Variants in DLGAP2 observed in about 807,000 individuals in gnomAD.
The protein encoded by DLGAP2 is disks large-associated protein 2.
A neutral mutation model predicts 100.3 loss-of-function variants in DLGAP2; 26 were observed. The observed-to-expected ratio is 0.26, with a 90% CI of 0.19 to 0.36. The LOEUF (loss-of-function observed/expected upper bound fraction) is 0.36. DLGAP2 is among the 10% of genes least tolerant of loss of function. The probability of loss-of-function intolerance (pLI) is 1.00; values close to 1 mark genes in which losing one functional copy is unlikely to be tolerated. For missense variants in DLGAP2, 1,858 were observed against 1,453.2 expected (o/e 1.28, Z -4.53); for synonymous variants, 886 against 630.1 (o/e 1.41, Z -6.08).
At chr8:980,011 T>A (rs1800282923) in intron 2 of DLGAP2, among the ~76,000 whole-genome samples, 1 of 152,162 alleles carries the variant, frequency 6.6e-6, no homozygotes, top group African/African-American at 2.4e-5. Context: ...CTCTAGGACT[T>A]GGCAACTGTT....
At chr8:1,070,702 C>G (rs1803401669) in intron 2 of DLGAP2, among the ~76,000 whole-genome samples, 1 of 152,160 alleles carries the variant, frequency 6.6e-6, no homozygotes, top group Non-Finnish European at 1.5e-5. Context: ...ACAGAAAAGA[C>G]CATGGGGAAA....
At chr8:978,837 C>G (rs1158901316) in intron 2 of DLGAP2, among the ~76,000 whole-genome samples, 1 of 152,182 alleles carries the variant, frequency 6.6e-6, no homozygotes. Flanking sequence ...AACCAGGTTT[C>G]TTTACACATT....
At chr8:1,001,587 C>G (rs1338147850) in intron 2 of DLGAP2, among the ~76,000 whole-genome samples, 1 of 152,082 alleles carries the variant, frequency 6.6e-6, no homozygotes, top group Non-Finnish European at 1.5e-5. Context: ...TTGGAAAAAA[C>G]CGAATTGCTC....
chr8:758,151 G>A (rs998712426), intron 1 of DLGAP2, among the ~76,000 whole-genome samples: 1 of 152,248 alleles, frequency 6.6e-6, no homozygotes, highest in Non-Finnish European at 1.5e-5. Context: ...GCCATCCCGA[G>A]GTTCCCTCAT....
At chr8:866,094 T>C (rs1174058133) in intron 1 of DLGAP2, among the ~76,000 whole-genome samples, 1 of 152,172 alleles carries the variant, frequency 6.6e-6, no homozygotes, top group Admixed American at 6.5e-5. Flanking sequence ...GCTTATTGGT[T>C]TATCTCAGGC....
chr8:1,521,664 A>T (rs1487178900), intron 4 of DLGAP2, among the ~76,000 whole-genome samples: 20 of 37,268 alleles, frequency 5.4e-4, no homozygotes, highest in African/African-American at 1.2e-3. Flanking sequence ...TTAATTTGGA[A>T]TACTCGGGCG....
At chr8:915,283 C>G (rs146037976) in intron 2 of DLGAP2, among the ~76,000 whole-genome samples, 1 of 152,142 alleles carries the variant, frequency 6.6e-6, no homozygotes, top group African/African-American at 2.4e-5. Flanking sequence ...CGCGGTGGCT[C>G]ACGCCTGTAA....
intron 3 of DLGAP2, among the ~76,000 whole-genome samples, chr8:1,326,915 G>GA (rs1187617088): frequency 6.6e-6 from 1 of 152,196 alleles, no homozygotes; most frequent in Non-Finnish European, 1.5e-5. Context: ...AGAAAAAGTG[G>GA]AAAAAACTGT....
intron 3 of DLGAP2, among the ~76,000 whole-genome samples, chr8:1,448,804 T>C (rs1798055793): frequency 6.6e-6 from 1 of 152,218 alleles, no homozygotes; most frequent in South Asian, 2.1e-4. Context: ...ATGCATGACA[T>C]CAATCATTGC....
intron 2 of DLGAP2, among the ~76,000 whole-genome samples, chr8:1,134,200 A>G (rs1461545008): frequency 6.6e-6 from 1 of 152,214 alleles, no homozygotes; most frequent in East Asian, 1.9e-4. Flanking sequence ...ATAGTATTCC[A>G]TGGTATACAT....
chr8:954,287 A>G (rs1799547709), intron 2 of DLGAP2, among the ~76,000 whole-genome samples: 1 of 152,224 alleles, frequency 6.6e-6, no homozygotes. Flanking sequence ...ATGTTGTACA[A>G]TAGAACCCCA....
rs531549676 is a variant in DLGAP2, at chr8:1,226,420, T to C, written c.74-32431T>C. ...TCACTTATAAGTGGGAGCTGAACAA[T>C]GAGAAGGTATGGACACAGGAGGGAG... On this transcript the variant is annotated intron_variant, in intron 2 of 14. Coordinates refer to ENST00000637795, the MANE Select transcript of DLGAP2 (RefSeq NM_001346810.2). 4.6e-5 allele frequency among the ~76,000 whole-genome samples: 7 copies of C among 151,974 alleles called. No individual in the cohort carries two copies. In the East Asian group the frequency reaches 7.7e-4, roughly 17 times the overall value.
chr8:1,272,760 C>T (rs1382948813), intron 3 of DLGAP2, among the ~76,000 whole-genome samples: 2 of 152,076 alleles, frequency 1.3e-5, no homozygotes, highest in Non-Finnish European at 2.9e-5. Context: ...ACGGGTGACT[C>T]TTCCCATCAT....
At chr8:1,676,646 G>C in intron 11 of DLGAP2, 28 bp downstream of exon 11, 13 of 1,597,366 alleles carry the variant, frequency 8.1e-6, no homozygotes, top group Non-Finnish European at 1.1e-5. Flanking sequence ...GACACGCGGT[G>C]ACCCCCGAGC....
At chr8:1,411,850 C>A (rs149251370) in intron 3 of DLGAP2, among the ~76,000 whole-genome samples, 1 of 152,178 alleles carries the variant, frequency 6.6e-6, no homozygotes, top group African/African-American at 2.4e-5. Context: ...CCTCATGAGC[C>A]GTCGTGTGGG....
chr8:972,168 C>T (rs903660681), intron 2 of DLGAP2, among the ~76,000 whole-genome samples: 2 of 152,194 alleles, frequency 1.3e-5, no homozygotes, highest in African/African-American at 4.8e-5. Context: ...AGCCTGACTC[C>T]TAGATGGACA....
In DLGAP2 at chr8:805,099, T is replaced by A. The variant is rs553736144; in HGVS notation, c.18+67274T>A. On this transcript the variant is annotated intron_variant, in intron 1 of 14. Transcript: ENST00000637795. ...GCCTTTTTCTAAAAGCTCTAGACAC[T>A]TACCTGACTGATTCGTAATGGGAAT... 2.0e-5 allele frequency among the ~76,000 whole-genome samples: 3 copies of A among 152,308 alleles called. No individual in the cohort carries two copies. In the South Asian group the frequency reaches 6.2e-4, roughly 32 times the overall value.
At chr8:1,112,450 C>T (rs1475090295) in intron 2 of DLGAP2, among the ~76,000 whole-genome samples, 4 of 152,224 alleles carry the variant, frequency 2.6e-5, no homozygotes, top group Non-Finnish European at 4.4e-5. Context: ...CCATGTTAGC[C>T]AGGATGGTCT....
rs572990983 is a variant in DLGAP2, at chr8:1,663,720, A to T, written c.1811-4609A>T. Among the ~76,000 whole-genome samples the T allele has an allele frequency of 4.9e-4, 74 of 152,220 alleles. No individual in the cohort carries two copies. In the Middle Eastern group the frequency reaches 0.01, roughly 21 times the overall value. On this transcript the variant is annotated intron_variant, in intron 8 of 14. Transcript: ENST00000637795. ...GTGAGTCTGTGGATCCTGTAAGTGA[A>T]ACTCAACTGCAGGGAGTGGTAAAAA...
Sources: allele counts gnomAD v4.1 joint callset (sites outside exome capture counted in the v4.1 genomes callset), GRCh38; gene constraint gnomAD v4.1.1; transcripts MANE v1.5; gene names NCBI Gene and HGNC (gene_info 2026-07-23, HGNC 2026-07-21).